The following RTF1 variants were observed in gnomAD, a reference collection of about 807,000 sequenced individuals.
The protein encoded by RTF1 is RNA polymerase-associated protein RTF1 homolog.
A neutral mutation model predicts 95.7 loss-of-function variants in RTF1; 10 were observed. That is an observed-to-expected ratio of 0.10 (90% CI 0.06 to 0.18). RTF1 has a LOEUF of 0.18. Among genes scored for constraint, RTF1 ranks in the 10% least tolerant of loss-of-function variants. The pLI, the probability that RTF1 is intolerant of heterozygous loss-of-function variation, is 1.00. For synonymous variants in RTF1, 305 were observed against 311.8 expected (o/e 0.98, Z 0.23); for missense variants, 458 against 875.6 (o/e 0.52, Z 6.02).
intron 4 of RTF1, among the ~76,000 whole-genome samples, chr15:41,462,046 C>T (rs999428825): frequency 6.6e-6 from 1 of 151,920 alleles, no homozygotes; most frequent in East Asian, 1.9e-4. Context: ...TGAACCACCA[C>T]CCCCAGCTTC....
intron 1 of RTF1, among the ~76,000 whole-genome samples, chr15:41,418,223 T>C (rs1173931417): frequency 6.6e-6 from 1 of 152,208 alleles, no homozygotes; most frequent in Non-Finnish European, 1.5e-5. Flanking sequence ...CCTTTCTGTT[T>C]AATGAGCAAA....
At chr15:41,460,023 C>T (rs551392868) in intron 4 of RTF1, among the ~76,000 whole-genome samples, 29 of 152,062 alleles carry the variant, frequency 1.9e-4, no homozygotes, top group African/African-American at 6.7e-4. Flanking sequence ...TTTGTCCCTT[C>T]TGGAGACCAT....
chr15:41,435,552 G>A (rs1014867987), intron 1 of RTF1, among the ~76,000 whole-genome samples: 1 of 152,012 alleles, frequency 6.6e-6, no homozygotes, highest in Non-Finnish European at 1.5e-5. Context: ...TAACATTTTG[G>A]TATGAAAAAG....
chr15:41,472,684 AT>A (rs889660206), intron 8 of RTF1, among the ~76,000 whole-genome samples: 13 of 143,396 alleles, frequency 9.1e-5, no homozygotes, highest in African/African-American at 1.8e-4. Flanking sequence ...CGCCTGGCTG[AT>A]TTTTTTTTAG....
At position 41,468,294 on chromosome 15, in the gene RTF1, C is replaced by G. The variant is rs1003576664; in HGVS notation, c.890-1963C>G. On this transcript the variant is annotated intron_variant, in intron 6 of 17. Coordinates refer to ENST00000389629, the MANE Select transcript of RTF1 (RefSeq NM_015138.5). The stretch of plus-strand genomic sequence containing the variant: ...TCGAATCTGTCATTCTTTCCTCATT[C>G]ATTATCTAGCCTGCTTCTATAAAGA... Among the ~76,000 whole-genome samples the G allele has an allele frequency of 3.3e-5, 5 of 151,896 alleles. 1 individual carries two copies. The highest frequency in any genetic ancestry group is 1.2e-4 in the African/African-American group (5 of 41,198).
intron 1 of RTF1, among the ~76,000 whole-genome samples, chr15:41,422,572 A>G (rs950546635): frequency 6.6e-5 from 10 of 152,346 alleles, no homozygotes; most frequent in Middle Eastern, 3.4e-3. Flanking sequence ...AATTCAAATC[A>G]GTACAACTCC....
At chr15:41,457,052 C>G (rs930677058) in intron 3 of RTF1, among the ~76,000 whole-genome samples, 10 of 151,934 alleles carry the variant, frequency 6.6e-5, no homozygotes, top group African/African-American at 2.4e-4. Flanking sequence ...CACCACTGCA[C>G]TCCAGCCTGG....
chr15:41,477,316 AG>A (rs2050946810), intron 13 of RTF1, 30 bp downstream of exon 13: 7 of 1,613,970 alleles, frequency 4.3e-6, no homozygotes, highest in Admixed American at 3.3e-5. Context: ...TTTGGCCCGC[AG>A]ACCTTGGCCA....
chr15:41,474,588 G>A, intron 8 of RTF1, 32 bp from the exon 9 acceptor site: 2 of 1,527,582 alleles, frequency 1.3e-6, no homozygotes, highest in South Asian at 1.1e-5. Context: ...GAAGAGTCTG[G>A]TTTTGACTGG....
intron 4 of RTF1, among the ~76,000 whole-genome samples, chr15:41,463,760 G>A (rs1363552451): frequency 2.0e-5 from 3 of 152,182 alleles, no homozygotes; most frequent in Non-Finnish European, 2.9e-5. Context: ...GGAATTACAG[G>A]TGTGAGCCAC....
At chr15:41,417,912 T>C (rs1370870672) in intron 1 of RTF1, among the ~76,000 whole-genome samples, 5 of 151,996 alleles carry the variant, frequency 3.3e-5, no homozygotes, top group Admixed American at 1.3e-4. Context: ...GAAGGGCCCT[T>C]GTTGAGGTGT....
intron 2 of RTF1, among the ~76,000 whole-genome samples, chr15:41,450,066 T>G (rs1182789474): frequency 6.6e-6 from 1 of 151,986 alleles, no homozygotes; most frequent in Non-Finnish European, 1.5e-5. Flanking sequence ...TATAGTGGCA[T>G]GCACCTGTAA....
In RTF1 at chr15:41,477,837, G is replaced by A. The variant is rs373328024; in HGVS notation, c.1740+322G>A. Among the ~76,000 whole-genome samples, 7 of 152,334 alleles carry A rather than the reference G, an allele frequency of 4.6e-5. No individual in the cohort carries two copies. In the South Asian group the frequency reaches 8.3e-4, roughly 18 times the overall value. On this transcript the variant is annotated intron_variant, in intron 14 of 17. Transcript: ENST00000389629. ...AAAAGGATAATATGCCGGGCGCGGT[G>A]TCTCACGCCTGTAATCCCAGCACTT...
At chr15:41,431,358 G>A (rs902884731) in intron 1 of RTF1, among the ~76,000 whole-genome samples, 1 of 151,474 alleles carries the variant, frequency 6.6e-6, no homozygotes, top group African/African-American at 2.4e-5. Context: ...GGGATTACAG[G>A]CGCCTGCCAC....
intron 2 of RTF1, among the ~76,000 whole-genome samples, chr15:41,450,319 C>T (rs965869795): frequency 2.6e-5 from 4 of 152,140 alleles, no homozygotes; most frequent in African/African-American, 9.6e-5. Flanking sequence ...CCTGTAATCC[C>T]AGCACTTTGG....
intron 6 of RTF1, among the ~76,000 whole-genome samples, chr15:41,468,531 A>T (rs950613509): frequency 1.3e-5 from 2 of 152,000 alleles, no homozygotes; most frequent in Non-Finnish European, 2.9e-5. Context: ...GTTAGCCAGG[A>T]TGGTCTTGAT....
intron 7 of RTF1, 56 bp from the exon 8 acceptor site, chr15:41,471,116 G>T (rs1422013237): frequency 9.3e-6 from 14 of 1,498,954 alleles, no homozygotes; most frequent in Non-Finnish European, 1.3e-5. Context: ...TTATTTTTCT[G>T]TCTTGTTCTG....
intron 1 of RTF1, among the ~76,000 whole-genome samples, chr15:41,422,582 C>T (rs1182425341): frequency 1.3e-5 from 2 of 152,006 alleles, no homozygotes; most frequent in African/African-American, 2.4e-5. Flanking sequence ...AGTACAACTC[C>T]GTATTTATAA....
chr15:41,441,128 C>G (rs960288928), intron 2 of RTF1, among the ~76,000 whole-genome samples: 3 of 151,900 alleles, frequency 2.0e-5, no homozygotes, highest in African/African-American at 7.3e-5. Context: ...CCTGCCACCA[C>G]TCCTGGCTAA....
Sources: allele counts gnomAD v4.1 joint callset (sites outside exome capture counted in the v4.1 genomes callset), GRCh38; gene constraint gnomAD v4.1.1; transcripts MANE v1.5; gene names NCBI Gene and HGNC (gene_info 2026-07-23, HGNC 2026-07-21).